ADAMTSL1: variants seen among roughly 807,000 people sequenced by gnomAD.
The protein encoded by ADAMTSL1 is ADAMTS-like protein 1.
In ADAMTSL1, 126 loss-of-function variants were observed where a neutral mutation model predicts 201.8. The ratio of observed to expected loss-of-function variants is 0.62; its 90% CI spans 0.54 to 0.72. The LOEUF is 0.72. Among genes scored for constraint, ADAMTSL1 ranks in the 30% least tolerant of loss-of-function variants. ADAMTSL1 has a pLI of 0.00. For missense variants in ADAMTSL1, 2,679 were observed against 2,277.8 expected (o/e 1.18, Z -3.59); for synonymous variants, 1,121 against 903.4 (o/e 1.24, Z -4.32).
At chr9:18,119,253 T>A (rs909648552) in intron 1 of ADAMTSL1, among the ~76,000 whole-genome samples, 10 of 152,266 alleles carry the variant, frequency 6.6e-5, no homozygotes, top group Admixed American at 5.9e-4. Context: ...TTGTGATTTC[T>A]ACCTATGAAT....
At position 18,777,061 on chromosome 9, in the gene ADAMTSL1, C is replaced by G. The variant is rs1821067540; in HGVS notation, c.2832C>G (p.Val944=). 6.2e-7 allele frequency: 1 copy of G among 1,613,384 alleles called. No individual in the cohort carries two copies. The change falls in exon 19 of 29, where the codon GTC becomes GTG. Residue 944 remains valine, a synonymous_variant. Transcript: ENST00000380548. Reference sequence around the variant, plus strand: ...GCCTCAAGCCCTCGGATGCAGGCGTCTACACCTGCTCAGCGGGCCCGGCCC... The same window carrying G: ...GCCTCAAGCCCTCGGATGCAGGCGTGTACACCTGCTCAGCGGGCCCGGCCC... ...IHRLKPSDAG[V]YTCSAGPARE... is the part of the protein sequence containing the mutation.
intron 2 of ADAMTSL1, among the ~76,000 whole-genome samples, chr9:18,219,526 G>A (rs938049001): frequency 1.3e-5 from 2 of 151,896 alleles, no homozygotes; most frequent in African/African-American, 4.8e-5. Flanking sequence ...GCACCACCGT[G>A]CCTGGCTAAT....
intron 21 of ADAMTSL1, among the ~76,000 whole-genome samples, chr9:18,825,660 C>T (rs10963785): frequency 7.2e-5 from 11 of 152,166 alleles, no homozygotes; most frequent in East Asian, 1.9e-4. Flanking sequence ...GACCAGCCCC[C>T]GGTCAAGACA....
chr9:18,329,053 G>A (rs1485010718), intron 2 of ADAMTSL1, among the ~76,000 whole-genome samples: 3 of 152,148 alleles, frequency 2.0e-5, no homozygotes, highest in African/African-American at 7.2e-5. Context: ...TCCCCAGTGT[G>A]AGGATATTTG....
intron 2 of ADAMTSL1, among the ~76,000 whole-genome samples, chr9:18,326,620 G>C (rs1456187644): frequency 3.9e-5 from 6 of 152,136 alleles, no homozygotes; most frequent in Non-Finnish European, 5.9e-5. Context: ...AATTGATTTA[G>C]AAACATTAGA....
intron 2 of ADAMTSL1, among the ~76,000 whole-genome samples, chr9:18,289,172 T>TCTAC (rs59121212): frequency 0.027 from 3,696 of 138,112 alleles, 64 homozygotes; most frequent in Admixed American, 0.044. Context: ...TATCTATCTA[T>TCTAC]CTACCTACCT....
At chr9:18,236,434 T>G (rs1024092809) in intron 2 of ADAMTSL1, among the ~76,000 whole-genome samples, 5 of 152,206 alleles carry the variant, frequency 3.3e-5, no homozygotes, top group African/African-American at 1.2e-4. Context: ...ATCTATATAT[T>G]TCAGATTCCG....
At chr9:18,465,681 T>C (rs932183203) in intron 2 of ADAMTSL1, among the ~76,000 whole-genome samples, 3 of 152,222 alleles carry the variant, frequency 2.0e-5, no homozygotes, top group Admixed American at 2.0e-4. Context: ...TGTATGTTTG[T>C]ACCAAAGCAG....
chr9:17,980,243 A>G (rs1392067091), intron 1 of ADAMTSL1, among the ~76,000 whole-genome samples: 1 of 152,082 alleles, frequency 6.6e-6, no homozygotes, highest in Non-Finnish European at 1.5e-5. Flanking sequence ...TTGCTTGCAG[A>G]TAGTTGTTCA....
At chr9:18,861,795 G>A (rs190870754) in intron 23 of ADAMTSL1, among the ~76,000 whole-genome samples, 93 of 152,188 alleles carry the variant, frequency 6.1e-4, no homozygotes, top group African/African-American at 2.1e-3. Flanking sequence ...TCCCAGGAGC[G>A]AGCCAGCCAG....
intron 1 of ADAMTSL1, among the ~76,000 whole-genome samples, chr9:18,034,166 C>A (rs982169978): frequency 1.3e-5 from 2 of 152,152 alleles, no homozygotes; most frequent in South Asian, 2.1e-4. Flanking sequence ...TTCTTTGAAT[C>A]TCTAACCCCT....
intron 16 of ADAMTSL1, among the ~76,000 whole-genome samples, chr9:18,762,409 T>A (rs533196012): frequency 5.9e-5 from 9 of 152,298 alleles, no homozygotes; most frequent in Admixed American, 5.2e-4. Context: ...ATGGGGTACA[T>A]GAGATGTTTT....
intron 3 of ADAMTSL1, among the ~76,000 whole-genome samples, chr9:18,540,312 A>T (rs1820048474): frequency 1.3e-5 from 2 of 152,206 alleles, no homozygotes; most frequent in Admixed American, 6.5e-5. Context: ...ATAGTGAATG[A>T]TTATGCTACA....
At chr9:18,548,936 G>C (rs374926916) in intron 3 of ADAMTSL1, among the ~76,000 whole-genome samples, 5 of 151,732 alleles carry the variant, frequency 3.3e-5, no homozygotes, top group African/African-American at 9.7e-5. Context: ...ATAGAAGTTA[G>C]AAACTTTACC....
In ADAMTSL1 at chr9:18,769,561, G is replaced by A. The variant is rs1588075407; in HGVS notation, c.2218-1041G>A. 2.0e-5 allele frequency among the ~76,000 whole-genome samples: 3 copies of A among 152,180 alleles called. No individual in the cohort carries two copies. The South Asian group carries it at 6.2e-4, about 31-fold the overall frequency. On this transcript the variant is annotated intron_variant, in intron 16 of 28. Coordinates refer to ENST00000380548, the MANE Select transcript of ADAMTSL1 (RefSeq NM_001040272.6). ...ACAGACAGTCCAGAGCAGATATGGT[G>A]GTTTCACAGTCAGGAAGCCAGGCTT...
chr9:18,127,163 A>C (rs1825764556), intron 1 of ADAMTSL1, among the ~76,000 whole-genome samples: 1 of 152,184 alleles, frequency 6.6e-6, no homozygotes, highest in Non-Finnish European at 1.5e-5. Context: ...GCTAGTGCAA[A>C]AGCATGTGGA....
At chr9:18,165,280 G>A (rs558008872) in intron 2 of ADAMTSL1, among the ~76,000 whole-genome samples, 25 of 151,920 alleles carry the variant, frequency 1.6e-4, no homozygotes, top group African/African-American at 5.3e-4. Flanking sequence ...CCTGGCAAGT[G>A]CTGCTATATA....
At chr9:18,087,939 C>A (rs1823840311) in intron 1 of ADAMTSL1, among the ~76,000 whole-genome samples, 1 of 152,126 alleles carries the variant, frequency 6.6e-6, no homozygotes, top group Non-Finnish European at 1.5e-5. Context: ...CACCTGATAT[C>A]TTTGGGCCCT....
At chr9:18,412,884 G>T (rs1315792894) in intron 2 of ADAMTSL1, among the ~76,000 whole-genome samples, 1 of 152,006 alleles carries the variant, frequency 6.6e-6, no homozygotes. Flanking sequence ...AAGAAGCTCT[G>T]GTTCCTTTAA....
Sources: allele counts gnomAD v4.1 joint callset (sites outside exome capture counted in the v4.1 genomes callset), GRCh38; gene constraint gnomAD v4.1.1; transcripts MANE v1.5; gene names NCBI Gene and HGNC (gene_info 2026-07-23, HGNC 2026-07-21).